The following ROR2 variants were observed in gnomAD, a reference collection of about 807,000 sequenced individuals.
ROR2 encodes the protein tyrosine-protein kinase transmembrane receptor ROR2.
Under a neutral mutation model 74.9 loss-of-function variants are expected in ROR2, and 33 were observed. The observed-to-expected ratio is 0.44, with a 90% CI of 0.33 to 0.59. The LOEUF (loss-of-function observed/expected upper bound fraction) is 0.59, where lower values mean the gene tolerates loss of function less well. Among genes scored for constraint, ROR2 ranks in the 20% least tolerant of loss-of-function variants. The pLI is 0.02. For synonymous variants in ROR2, 586 were observed against 558.7 expected (o/e 1.05, Z -0.69); for missense variants, 1,216 against 1,313.8 (o/e 0.93, Z 1.15).
chr9:91,728,623 G>GT (rs993297830), intron 7 of ROR2, among the ~76,000 whole-genome samples: 2 of 152,116 alleles, frequency 1.3e-5, no homozygotes, highest in African/African-American at 4.8e-5. Flanking sequence ...TAGAGACAGG[G>GT]TTTTGCACTG....
intron 1 of ROR2, among the ~76,000 whole-genome samples, chr9:91,815,744 C>G (rs1332548923): frequency 6.6e-6 from 1 of 152,214 alleles, no homozygotes; most frequent in African/African-American, 2.4e-5. Flanking sequence ...CCAAACCACC[C>G]TGCAATGCAG....
chr9:91,821,612 CT>C (rs890544696), intron 1 of ROR2, among the ~76,000 whole-genome samples: 5 of 152,208 alleles, frequency 3.3e-5, no homozygotes, highest in Non-Finnish European at 7.3e-5. Flanking sequence ...CTTACTCCCC[CT>C]GTCCTCGTTC....
At chr9:91,860,401 G>A (rs1829436631) in intron 1 of ROR2, among the ~76,000 whole-genome samples, 1 of 152,170 alleles carries the variant, frequency 6.6e-6, no homozygotes. Context: ...CCATCTTTGA[G>A]CAAGCACATG....
rs146443096 is a variant in ROR2, at chr9:91,781,669, A to T, written c.98-5851T>A. 6.6e-5 allele frequency among the ~76,000 whole-genome samples: 10 copies of T among 152,352 alleles called. No homozygotes were observed. In the East Asian group the frequency reaches 1.9e-3, roughly 29 times the overall value. Reference sequence around the variant, plus strand: ...CAGTACCTAATTGGTAGTGGTCTTAACAGTCTGTAATTTTTTATTTTCATT... The same window carrying T: ...CAGTACCTAATTGGTAGTGGTCTTATCAGTCTGTAATTTTTTATTTTCATT... On this transcript the variant is annotated intron_variant, in intron 1 of 8. Coordinates refer to ENST00000375708, the MANE Select transcript of ROR2 (RefSeq NM_004560.4).
At chr9:91,893,305 T>C (rs1429520730) in intron 1 of ROR2, among the ~76,000 whole-genome samples, 1 of 152,060 alleles carries the variant, frequency 6.6e-6, no homozygotes, top group Non-Finnish European at 1.5e-5. Flanking sequence ...CTGGGTGTGG[T>C]GGTACACGCC....
chr9:91,910,331 T>C (rs1340340067), intron 1 of ROR2, among the ~76,000 whole-genome samples: 1 of 152,226 alleles, frequency 6.6e-6, no homozygotes, highest in Non-Finnish European at 1.5e-5. Flanking sequence ...CTCCAAAATA[T>C]CTGGGCTTAT....
chr9:91,801,479 C>T (rs1273872424), intron 1 of ROR2, among the ~76,000 whole-genome samples: 1 of 152,204 alleles, frequency 6.6e-6, no homozygotes, highest in Non-Finnish European at 1.5e-5. Flanking sequence ...ACTACAGGCG[C>T]CCGCCACCAC....
At chr9:91,913,315 A>T (rs1291866404) in intron 1 of ROR2, among the ~76,000 whole-genome samples, 2 of 152,216 alleles carry the variant, frequency 1.3e-5, no homozygotes, top group Admixed American at 6.5e-5. Flanking sequence ...CACAGTAGAT[A>T]CCGGTTGAGC....
chr9:91,895,563 G>T (rs1050049228), intron 1 of ROR2, among the ~76,000 whole-genome samples: 1 of 152,130 alleles, frequency 6.6e-6, no homozygotes, highest in Non-Finnish European at 1.5e-5. Context: ...AATCTATTTA[G>T]GCCAGGCACG....
chr9:91,877,973 A>G (rs1830002167), intron 1 of ROR2, among the ~76,000 whole-genome samples: 1 of 152,198 alleles, frequency 6.6e-6, no homozygotes, highest in African/African-American at 2.4e-5. Context: ...GCTAACAAAG[A>G]AAGGGTTTAA....
At chr9:91,838,953 G>C (rs1055970793) in intron 1 of ROR2, among the ~76,000 whole-genome samples, 1 of 152,164 alleles carries the variant, frequency 6.6e-6, no homozygotes. Context: ...GGGAGAATTA[G>C]ATAAATTTCA....
intron 1 of ROR2, among the ~76,000 whole-genome samples, chr9:91,872,100 G>A (rs547360435): frequency 6.6e-6 from 1 of 152,272 alleles, no homozygotes; most frequent in South Asian, 2.1e-4. Flanking sequence ...AAACAGATCT[G>A]TGGAGGAATT....
At position 91,730,890 on chromosome 9, in the gene ROR2, A is replaced by AG; in HGVS notation, c.1183+19_1183+20insC. ...CACTCAACAATCAACACATTAAAAA[A>AG]AGAGAGAGAGAATACATACTACACG... On this transcript the variant is annotated intron_variant, in intron 7 of 8. Coordinates refer to ENST00000375708, the MANE Select transcript of ROR2 (RefSeq NM_004560.4). 3 of 1,614,008 alleles carry AG rather than the reference A, an allele frequency of 1.9e-6. No homozygotes were observed. Among genetic ancestry groups the AG allele is most frequent in the South Asian group, 1.1e-5 (1 of 91,062 alleles).
chr9:91,942,873 C>T lies in ROR2; in HGVS notation c.97+6994G>A, dbSNP rs542426176. On this transcript the variant is annotated intron_variant, in intron 1 of 8. Transcript: ENST00000375708. ...GCCCTGGGAGGGATCGTGGCCCTGC[C>T]GCCACCTTGATTTTGGACTTCTAGC... Among the ~76,000 whole-genome samples the T allele has an allele frequency of 1.2e-4, 19 of 152,262 alleles. No homozygotes were observed. In the South Asian group the frequency reaches 3.5e-3, roughly 28 times the overall value.
At chr9:91,793,121 T>C (rs187874101) in intron 1 of ROR2, among the ~76,000 whole-genome samples, 3 of 152,248 alleles carry the variant, frequency 2.0e-5, no homozygotes, top group South Asian at 2.1e-4. Flanking sequence ...AACAAAACTA[T>C]ACATCAGTAT....
chr9:91,925,466 A>ATGTGTGTGTG (rs35012954), intron 1 of ROR2, among the ~76,000 whole-genome samples: 3,927 of 144,534 alleles, frequency 0.027, 78 homozygotes, highest in East Asian at 0.11. Context: ...AGCTGCCTGT[A>ATGTGTGTGTG]TGTGTGTGTG....
chr9:91,929,051 C>T (rs1282396944), intron 1 of ROR2, among the ~76,000 whole-genome samples: 1 of 152,250 alleles, frequency 6.6e-6, no homozygotes, highest in East Asian at 1.9e-4. Context: ...GAAGCATGGG[C>T]ACTGTGGCTT....
chr9:91,881,162 A>G (rs1351842408), intron 1 of ROR2, among the ~76,000 whole-genome samples: 1 of 152,226 alleles, frequency 6.6e-6, no homozygotes, highest in Non-Finnish European at 1.5e-5. Flanking sequence ...GGAAAAACTG[A>G]AAAAATCCTA....
At chr9:91,809,858 A>G (rs1449041288) in intron 1 of ROR2, among the ~76,000 whole-genome samples, 1 of 152,078 alleles carries the variant, frequency 6.6e-6, no homozygotes, top group Non-Finnish European at 1.5e-5. Context: ...GGGCATCACC[A>G]CAAACTGCCC....
Sources: gnomAD v4.1 joint callset for allele counts (sites outside exome capture counted in the v4.1 genomes callset) on GRCh38, gnomAD v4.1.1 for gene constraint, MANE v1.5 for transcripts, NCBI Gene and HGNC (gene_info 2026-07-23, HGNC 2026-07-21) for gene names.